The following FRMD6 variants were observed in gnomAD, a reference collection of about 807,000 sequenced individuals.
The protein encoded by FRMD6 is FERM domain-containing protein 6.
In FRMD6, 37 loss-of-function variants were observed where a neutral mutation model predicts 73.2. That is an observed-to-expected ratio of 0.51 (90% CI 0.39 to 0.66). The LOEUF (loss-of-function observed/expected upper bound fraction) is 0.66. Among genes scored for constraint, FRMD6 ranks in the 30% least tolerant of loss-of-function variants. The pLI is 0.00. For missense variants in FRMD6, 714 were observed against 780.5 expected (o/e 0.91, Z 1.02); for synonymous variants, 273 against 282.2 (o/e 0.97, Z 0.33).
intron 1 of FRMD6, among the ~76,000 whole-genome samples, chr14:51,503,873 G>T (rs924050995): frequency 6.8e-6 from 1 of 147,908 alleles, no homozygotes; most frequent in Admixed American, 6.7e-5. Flanking sequence ...TTGGGGGGGG[G>T]TTTGATAAGC....
the FRMD6 span, among the ~76,000 whole-genome samples, chr14:51,438,461 T>C: frequency 1.3e-5 from 2 of 152,262 alleles, no homozygotes; most frequent in Non-Finnish European, 2.9e-5. Context: ...TTGATGCTTT[T>C]CTCTCAGCAT....
chr14:51,665,074 G>A (rs1893481702), intron 1 of FRMD6, among the ~76,000 whole-genome samples: 1 of 152,090 alleles, frequency 6.6e-6, no homozygotes, highest in African/African-American at 2.4e-5. Context: ...GCAAGCCTGT[G>A]GCCCACCAAC....
intron 7 of FRMD6, among the ~76,000 whole-genome samples, chr14:51,709,606 C>A (rs769151717): frequency 6.6e-6 from 1 of 152,086 alleles, no homozygotes; most frequent in Non-Finnish European, 1.5e-5. Flanking sequence ...AATGCCCCAT[C>A]TTCCTTGAAA....
the FRMD6 span, among the ~76,000 whole-genome samples, chr14:51,403,331 T>A: frequency 2.0e-5 from 3 of 152,232 alleles, no homozygotes; most frequent in Non-Finnish European, 4.4e-5. Flanking sequence ...ATAAAACATA[T>A]TGTTTAGTTT....
the FRMD6 span, chr14:51,397,098 G>A: frequency 6.6e-6 from 1 of 152,280 alleles, no homozygotes; most frequent in Non-Finnish European, 1.5e-5. Context: ...GAGCAGAGAA[G>A]GATCTCAGAG....
the FRMD6 span, among the ~76,000 whole-genome samples, chr14:51,417,242 T>C: frequency 6.6e-6 from 1 of 152,248 alleles, no homozygotes; most frequent in Non-Finnish European, 1.5e-5. Context: ...AGTTTCTTCC[T>C]AGCATCAGTG....
At chr14:51,495,523 C>T (rs755387057) in intron 1 of FRMD6, among the ~76,000 whole-genome samples, 3 of 152,202 alleles carry the variant, frequency 2.0e-5, no homozygotes, top group Non-Finnish European at 4.4e-5. Flanking sequence ...CAGAAACCAG[C>T]AACAAATACA....
intron 11 of FRMD6, among the ~76,000 whole-genome samples, 196 bp from the exon 12 acceptor site, chr14:51,721,753 A>AGGAAGGAAGGAAGGAAGGAG (rs1566598530): frequency 1.4e-3 from 149 of 108,744 alleles, no homozygotes; most frequent in African/African-American, 4.9e-3. Context: ...GAAGGGAGGA[A>AGGAAGGAAGGAAGGAAGGAG]GGAAGGAGGG....
chr14:51,629,248 G>T (rs1891247277), intron 2 of FRMD6, among the ~76,000 whole-genome samples: 1 of 152,144 alleles, frequency 6.6e-6, no homozygotes, highest in Non-Finnish European at 1.5e-5. Context: ...TCAATAGTTT[G>T]TTCCTTTTTA....
In FRMD6 at chr14:51,494,690, G is replaced by A. The variant is rs183956767; in HGVS notation, c.-210+5270G>A. ...AGCCTCACCCCCATGGCTGCACTCC[G>A]CATTGATTTTGGTGCCCTAATGGTA... On this transcript the variant is annotated intron_variant, in intron 1 of 14. Coordinates refer to the FRMD6 transcript ENST00000356218. Among the ~76,000 whole-genome samples, 424 of 152,268 alleles carry A rather than the reference G, an allele frequency of 2.8e-3. 3 individuals are homozygous for A. Among genetic ancestry groups the A allele is most frequent in the African/African-American group, 9.3e-3 (386 of 41,544 alleles).
chr14:51,610,338 TAA>T (rs5808625), intron 2 of FRMD6, among the ~76,000 whole-genome samples: 188 of 142,362 alleles, frequency 1.3e-3, no homozygotes, highest in African/African-American at 4.4e-3. Context: ...CCTTTTTTTT[TAA>T]AAAAAAAAAA....
intron 2 of FRMD6, among the ~76,000 whole-genome samples, chr14:51,591,691 C>T (rs749493757): frequency 8.6e-5 from 13 of 152,046 alleles, no homozygotes; most frequent in Non-Finnish European, 1.3e-4. Flanking sequence ...TACAGGTGTG[C>T]GCCACCATGC....
chr14:51,499,274 T>C (rs1883471459), intron 1 of FRMD6, among the ~76,000 whole-genome samples: 1 of 152,226 alleles, frequency 6.6e-6, no homozygotes, highest in African/African-American at 2.4e-5. Flanking sequence ...CTGTTCACAG[T>C]TGTCACCTGG....
chr14:51,453,657 A>T, the FRMD6 span, among the ~76,000 whole-genome samples: 2 of 152,192 alleles, frequency 1.3e-5, no homozygotes, highest in African/African-American at 4.8e-5. Context: ...GCTTTGTCTC[A>T]CACATGCATG....
chr14:51,701,065 A>G lies in FRMD6; in HGVS notation c.200A>G (p.His67Arg). ...FGLSVIQNNE[H>R]VYMELSQKLY... Reference sequence around the variant, plus strand: ...TTTTTTTAATGTACAGATAATGAACATGTGTATATGGAGTTGTCACAAAAG... The same window carrying G: ...TTTTTTTAATGTACAGATAATGAACGTGTGTATATGGAGTTGTCACAAAAG... The change falls in exon 4 of 14, where the codon CAT (histidine) becomes CGT (arginine). Residue 67 changes from histidine (H) to arginine (R), a missense_variant. Physicochemically the swap from His to Arg is conservative, Grantham distance 29. Transcript: ENST00000344768. The G allele has an allele frequency of 1.3e-6, 2 of 1,508,978 alleles. No individual in the cohort carries two copies. The highest frequency in any genetic ancestry group is 1.3e-5 in the South Asian group (1 of 75,544). The allele number at this position is 1,508,978 out of a possible 1,614,324, so 93.5% of individuals were successfully genotyped here. A position where few individuals can be genotyped will look rare whatever the true frequency, so the allele number is the denominator to read the frequency against.
At chr14:51,598,099 T>G (rs1266399899) in intron 2 of FRMD6, among the ~76,000 whole-genome samples, 1 of 152,222 alleles carries the variant, frequency 6.6e-6, no homozygotes, top group African/African-American at 2.4e-5. Context: ...CAACTGTCTT[T>G]TGTGTTTTCA....
intron 1 of FRMD6, among the ~76,000 whole-genome samples, chr14:51,523,119 T>G (rs1243923322): frequency 6.6e-6 from 1 of 152,194 alleles, no homozygotes; most frequent in African/African-American, 2.4e-5. Context: ...GTGTACAAAT[T>G]CATAATCAGG....
chr14:51,557,962 A>G (rs1032192374), intron 1 of FRMD6, among the ~76,000 whole-genome samples: 1 of 124,794 alleles, frequency 8.0e-6, no homozygotes, highest in Admixed American at 8.2e-5. Context: ...AACTAAAATA[A>G]AAGTTAAAAA....
intron 1 of FRMD6, among the ~76,000 whole-genome samples, chr14:51,523,614 C>A (rs1289450852): frequency 6.6e-6 from 1 of 152,114 alleles, no homozygotes; most frequent in African/African-American, 2.4e-5. Flanking sequence ...ACTTTCGTGG[C>A]CATCTGGTCT....
Sources: allele counts gnomAD v4.1 joint callset (sites outside exome capture counted in the v4.1 genomes callset), GRCh38; gene constraint gnomAD v4.1.1; transcripts MANE v1.5; gene names NCBI Gene and HGNC (gene_info 2026-07-23, HGNC 2026-07-21).